Variants in ULK1 observed in about 807,000 individuals in gnomAD.
ULK1 encodes unc-51 like autophagy activating kinase 1.
Under a neutral mutation model 117.5 loss-of-function variants are expected in ULK1, and 48 were observed. The observed-to-expected ratio is 0.41, with a 90% CI of 0.32 to 0.52. ULK1 has a LOEUF of 0.52. Among genes scored for constraint, ULK1 ranks in the 20% least tolerant of loss-of-function variants. The pLI is 0.29. For missense variants in ULK1, 1,387 were observed against 1,473.4 expected (o/e 0.94, Z 0.96); for synonymous variants, 790 against 637.8 (o/e 1.24, Z -3.60).
Position 131,917,081 on chromosome 12 carries a change from C to G in ULK1, c.2182+19C>G, listed in dbSNP as rs574791725. On this transcript the variant is annotated intron_variant, in intron 21 of 27. Coordinates refer to ENST00000321867, the MANE Select transcript of ULK1 (RefSeq NM_003565.4). ...GAGATCGGTGTGTGGGTGGGTGGGG[C>G]TCGGAGGCTGTGGGATGGGGGTCGG... 6.4e-4 allele frequency: 768 copies of G among 1,199,082 alleles called. 1 individual carries two copies. The highest frequency in any genetic ancestry group is 5.8e-3 in the East Asian group (146 of 25,138). The allele number at this position is 1,199,082 out of a possible 1,614,324, so 74.3% of individuals were successfully genotyped here.
At chr12:131,906,861 G>A in intron 3 of ULK1, 31 bp from the exon 4 acceptor site, 1 of 1,613,908 alleles carries the variant, frequency 6.2e-7, no homozygotes, top group Non-Finnish European at 8.5e-7. Flanking sequence ...GTGGCACTGG[G>A]ACCTCTCACA....
At chr12:131,905,872 C>G (rs981358663) in intron 3 of ULK1, among the ~76,000 whole-genome samples, 1 of 152,044 alleles carries the variant, frequency 6.6e-6, no homozygotes, top group Non-Finnish European at 1.5e-5. Context: ...CAGGAAAGGG[C>G]GGGGTACTGG....
In ULK1 at chr12:131,910,303, A is replaced by G. The variant is rs760206491; in HGVS notation, c.858A>G (p.Lys286=). ...TCGATGCCAGCCCCTCGGTCAGGAA[A>G]TGTGAGTTTCTGTGGGTCCTGGGGC... ...PFLDASPSVR[K]SPPVPVPSYP... is the part of the protein sequence containing the mutation. Residue 286 remains lysine, a splice_region_variant and synonymous_variant, in exon 11 of 28, where the codon AAA becomes AAG. Transcript: ENST00000321867. 2 of 1,613,724 alleles carry G rather than the reference A, an allele frequency of 1.2e-6. No homozygotes were observed. The highest frequency in any genetic ancestry group is 8.5e-7 in the Non-Finnish European group (1 of 1,179,976).
intron 3 of ULK1, chr12:131,896,808 C>T (rs1212749389): frequency 6.6e-6 from 1 of 152,484 alleles, no homozygotes; most frequent in Non-Finnish European, 1.5e-5. Context: ...TTGGAAGCCT[C>T]CTGCCTGGAC....
Position 131,921,465 on chromosome 12 carries a change from G to A in ULK1, c.*104G>A. 1 of 1,537,494 alleles carries A rather than the reference G, an allele frequency of 6.5e-7. No homozygotes were observed. Among genetic ancestry groups the A allele is most frequent in the Non-Finnish European group, 8.9e-7 (1 of 1,129,148 alleles). ...CAAGCCCATGGCGCTGATCGCTGGT[G>A]CTGAGCCCTGCCCTGGGCCCCACGG... On this transcript the variant is annotated 3_prime_UTR_variant, in exon 28 of 28. Coordinates refer to ENST00000321867, the MANE Select transcript of ULK1 (RefSeq NM_003565.4).
intron 12 of ULK1, among the ~76,000 whole-genome samples, 161 bp downstream of exon 12, chr12:131,910,961 C>T (rs1000898244): frequency 2.0e-5 from 3 of 152,224 alleles, no homozygotes; most frequent in African/African-American, 7.2e-5. Flanking sequence ...GCCCCACAAA[C>T]GGGTGACAGC....
At chr12:131,908,547 G>A in intron 5 of ULK1, 97 bp from the exon 6 acceptor site, 1 of 1,366,386 alleles carries the variant, frequency 7.3e-7, no homozygotes, top group Non-Finnish European at 9.5e-7. Flanking sequence ...CCTGCCTGGC[G>A]CTCTCCATCC....
intron 22 of ULK1, 139 bp downstream of exon 22, chr12:131,917,693 C>T (rs1889925563): frequency 1.1e-6 from 1 of 877,484 alleles, no homozygotes; most frequent in South Asian, 4.7e-5. Context: ...GCTCAGGCCC[C>T]TGAGAAACCC....
At chr12:131,899,616 G>C (rs1019728528) in intron 3 of ULK1, among the ~76,000 whole-genome samples, 1 of 152,178 alleles carries the variant, frequency 6.6e-6, no homozygotes, top group African/African-American at 2.4e-5. Flanking sequence ...TCAGCCTCCT[G>C]AGTAGCTGGG....
chr12:131,895,833 T>C lies in ULK1; in HGVS notation c.246+9T>C. The stretch of plus-strand genomic sequence containing the variant: ...CCCTGTACGACTTCCAGGTAAGGCC[T>C]CTGGGCTGCGGTCTGCTGGGGACCG... On this transcript the variant is annotated intron_variant, in intron 3 of 27. Coordinates refer to ENST00000321867, the MANE Select transcript of ULK1 (RefSeq NM_003565.4). The C allele has an allele frequency of 1.2e-6, 2 of 1,614,092 alleles. No individual in the cohort carries two copies. Among genetic ancestry groups the C allele is most frequent in the Non-Finnish European group, 8.5e-7 (1 of 1,180,004 alleles).
rs1250102621 is a variant in ULK1 at position 131,909,819 on chromosome 12, G to A, written c.711G>A (p.Lys237=). ...QDLRLFYEKN[K]TLVPTIPRET... ...TGCGCCTGTTCTACGAGAAGAACAA[G>A]ACGTTGGTCCCCACGTAAGCACCCT... Residue 237 remains lysine, a synonymous_variant, in exon 9 of 28, where the codon AAG becomes AAA. Coordinates refer to ENST00000321867, the MANE Select transcript of ULK1 (RefSeq NM_003565.4). 6.2e-7 allele frequency: 1 copy of A among 1,611,646 alleles called. No homozygotes were observed. The highest frequency in any genetic ancestry group is 1.1e-5 in the South Asian group (1 of 90,926).
rs1055753073 is a variant in ULK1 at position 131,916,085 on chromosome 12, C to T, written c.1804C>T (p.Leu602=). ...PSHGLQSCRN[L]RGSPKLPDFL... ...CCACGGCCTGCAGTCCTGCCGGAAC[C>T]TGCGGGGCTCACCCAAGCTGCCCGA... is the stretch of plus-strand genomic sequence containing the variant. Residue 602 remains leucine (L), a synonymous_variant, in exon 19 of 28, where the codon CTG becomes TTG. Transcript: ENST00000321867. The T allele has an allele frequency of 6.2e-7, 1 of 1,612,622 alleles. No individual in the cohort carries two copies. The highest frequency in any genetic ancestry group is 8.5e-7 in the Non-Finnish European group (1 of 1,179,890).
Position 131,920,142 on chromosome 12 carries a change from GGACA to G in ULK1, c.2961+15_2961+18del, listed in dbSNP as rs1373505722. 12 of 1,610,256 alleles carry G rather than the reference GGACA, an allele frequency of 7.5e-6. No individual in the cohort carries two copies. Among genetic ancestry groups the G allele is most frequent in the Non-Finnish European group, 9.3e-6 (11 of 1,177,958 alleles). On this transcript the variant is annotated splice_region_variant and intron_variant, in intron 26 of 27. Coordinates refer to ENST00000321867, the MANE Select transcript of ULK1 (RefSeq NM_003565.4). The stretch of plus-strand genomic sequence containing the variant: ...TCAGCCACGCTGTGCAGATGGTACG[GGACA>G]GACAGACACCAGTGGGGCAGGGGCC...
chr12:131,898,556 C>T (rs1364411723), intron 3 of ULK1, among the ~76,000 whole-genome samples: 1 of 152,088 alleles, frequency 6.6e-6, no homozygotes, highest in East Asian at 1.9e-4. Flanking sequence ...GGCTGGAGTG[C>T]AGTGACACAA....
At chr12:131,906,583 C>G in intron 3 of ULK1, 1 of 432,154 alleles carries the variant, frequency 2.3e-6, no homozygotes, top group South Asian at 2.6e-5. Context: ...GAGGGTCACA[C>G]ACACCTGCCC....
intron 3 of ULK1, among the ~76,000 whole-genome samples, chr12:131,904,991 C>T (rs1889218209): frequency 6.6e-6 from 1 of 152,150 alleles, no homozygotes; most frequent in African/African-American, 2.4e-5. Context: ...GGGCTCCCCA[C>T]GTGCTCTTCC....
At chr12:131,907,289 C>G (rs537824735) in intron 4 of ULK1, among the ~76,000 whole-genome samples, 1 of 152,262 alleles carries the variant, frequency 6.6e-6, no homozygotes, top group African/African-American at 2.4e-5. Flanking sequence ...CCAAAGTGCT[C>G]GGATTACAGG....
At chr12:131,916,336 G>A (rs1889781726) in intron 19 of ULK1, 62 bp from the exon 20 acceptor site, 4 of 1,523,780 alleles carry the variant, frequency 2.6e-6, no homozygotes. Context: ...CCCTTCCCCA[G>A]GCACCGGGCC....
chr12:131,918,561 C>T lies in ULK1; in HGVS notation c.2391C>T (p.Ala797=). 2 of 1,611,130 alleles carry T rather than the reference C, an allele frequency of 1.2e-6. No homozygotes were observed. The highest frequency in any genetic ancestry group is 2.2e-5 in the East Asian group (1 of 44,800). The change falls in exon 23 of 28, where the codon GCC becomes GCT. Residue 797 remains alanine (A), a synonymous_variant. Coordinates refer to ENST00000321867, the MANE Select transcript of ULK1 (RefSeq NM_003565.4). Reference sequence around the variant, plus strand: ...TGGTGCCTGGGCCCTGCAGCGAGGCCCCAGCCCCTGAGCTCCCTGCTCCAG... The same window carrying T: ...TGGTGCCTGGGCCCTGCAGCGAGGCTCCAGCCCCTGAGCTCCCTGCTCCAG... ...RHLVPGPCSE[A]PAPELPAPGH...
Sources: gnomAD v4.1 joint callset for allele counts (sites outside exome capture counted in the v4.1 genomes callset) on GRCh38, gnomAD v4.1.1 for gene constraint, MANE v1.5 for transcripts, NCBI Gene and HGNC (gene_info 2026-07-23, HGNC 2026-07-21) for gene names.